PICALM: variants seen among roughly 807,000 people sequenced by gnomAD.
PICALM encodes the protein phosphatidylinositol-binding clathrin assembly protein.
In PICALM, 40 loss-of-function variants were observed where a neutral mutation model predicts 80.5. That is an observed-to-expected ratio of 0.50 (90% CI 0.39 to 0.65). The LOEUF is 0.65. PICALM is among the 30% of genes least tolerant of loss of function. The pLI, the probability that PICALM is intolerant of heterozygous loss-of-function variation, is 0.00. For missense variants in PICALM, 676 were observed against 778.9 expected, an observed-to-expected ratio of 0.87 and a Z score of 1.57; for synonymous variants, 288 against 260.3, an observed-to-expected ratio of 1.11 and a Z score of -1.02.
At chr11:86,031,961 G>T (rs2095758626) in intron 1 of PICALM, among the ~76,000 whole-genome samples, 1 of 151,930 alleles carries the variant, frequency 6.6e-6, no homozygotes, top group Non-Finnish European at 1.5e-5. Flanking sequence ...TAAAATACTG[G>T]TATTATTCAT....
chr11:86,000,399 A>G lies in PICALM; in HGVS notation c.1154+244T>C, dbSNP rs542033018. On this transcript the variant is annotated intron_variant, in intron 11 of 19. Coordinates refer to ENST00000393346, the MANE Select transcript of PICALM (RefSeq NM_007166.4). ...TACACAATGAAAAGTTGGCCCAGAG[A>G]TAACAGCTATATTCCTATTAGTATA... Among the ~76,000 whole-genome samples, 24 of 152,352 alleles carry G rather than the reference A, an allele frequency of 1.6e-4. 2 individuals carry two copies. The highest frequency in any genetic ancestry group is 1.2e-3 in the Admixed American group (18 of 15,312).
intron 19 of PICALM, among the ~76,000 whole-genome samples, chr11:85,964,075 C>T (rs1025961386): frequency 1.3e-5 from 2 of 151,928 alleles, no homozygotes; most frequent in Non-Finnish European, 2.9e-5. Context: ...ATGGTTACTC[C>T]TTCATTATAC....
At chr11:85,960,839 A>G in intron 19 of PICALM, 1 of 710,598 alleles carries the variant, frequency 1.4e-6, no homozygotes, top group Non-Finnish European at 2.0e-6. Context: ...CAGAACATGA[A>G]AGCAGAAAAT....
chr11:86,019,548 T>C (rs772242334), intron 4 of PICALM, among the ~76,000 whole-genome samples: 1 of 152,206 alleles, frequency 6.6e-6, no homozygotes, highest in Non-Finnish European at 1.5e-5. Flanking sequence ...GTAAATACAC[T>C]GAAGATCAAC....
chr11:85,991,477 A>G (rs1466134759), intron 12 of PICALM, among the ~76,000 whole-genome samples: 1 of 152,158 alleles, frequency 6.6e-6, no homozygotes, highest in Non-Finnish European at 1.5e-5. Context: ...ATATAGGCAC[A>G]CTTCCTTTAA....
At chr11:86,011,198 A>G (rs927011811) in intron 6 of PICALM, 62 bp from the exon 7 acceptor site, 16 of 702,416 alleles carry the variant, frequency 2.3e-5, no homozygotes, top group Admixed American at 5.9e-5. Flanking sequence ...AAAAAAGGAA[A>G]AAAAAAGTAG....
rs1268742852 is a variant in PICALM, at chr11:85,964,844, A to G, written c.1945-5784T>C. On this transcript the variant is annotated intron_variant, in intron 19 of 19. Coordinates refer to ENST00000393346, the MANE Select transcript of PICALM (RefSeq NM_007166.4). ...ACATTGTAAGAATTCTAAAGTGTGC[A>G]AAATTAAAATGCCTTTTGGTGATAA... Among the ~76,000 whole-genome samples, 3 of 152,242 alleles carry G rather than the reference A, an allele frequency of 2.0e-5. No individual in the cohort carries two copies. The South Asian group carries it at 6.2e-4, about 32-fold the overall frequency.
chr11:85,958,403 T>C lies in PICALM; in HGVS notation c.*643A>G, dbSNP rs942370408. On this transcript the variant is annotated 3_prime_UTR_variant, in exon 20 of 20. Transcript: ENST00000393346. ...AAGCATTCTGAATCAGATTCATTCT[T>C]GTGGATAAAAATCAAACATACTGTG... 1 of 213,918 alleles carries C rather than the reference T, an allele frequency of 4.7e-6. No homozygotes were observed. Among genetic ancestry groups the C allele is most frequent in the Non-Finnish European group, 9.5e-6 (1 of 105,692 alleles). 13.3% of individuals were successfully genotyped at this position (213,918 alleles called of 1,614,324 possible).
chr11:86,000,191 C>G (rs946957269), intron 11 of PICALM, among the ~76,000 whole-genome samples: 1 of 152,156 alleles, frequency 6.6e-6, no homozygotes, highest in African/African-American at 2.4e-5. Flanking sequence ...TACCAAGAAA[C>G]CTGGCAACTA....
In PICALM at chr11:86,014,978, C is replaced by A. The variant is rs189811262; in HGVS notation, c.453-15G>T. On this transcript the variant is annotated splice_polypyrimidine_tract_variant and intron_variant, in intron 4 of 19. Coordinates refer to ENST00000393346, the MANE Select transcript of PICALM (RefSeq NM_007166.4). The stretch of plus-strand genomic sequence containing the variant: ...CTCCATCAGCCCTGTTATGAAAAAA[C>A]CAGAGAAATAAACAAATGAATCTGC... The A allele has an allele frequency of 1.0e-3, 1,514 of 1,480,676 alleles. 23 individuals are homozygous for A. The Admixed American group carries it at 0.015, about 15-fold the overall frequency. 91.7% of individuals were successfully genotyped at this position (1,480,676 alleles called of 1,614,324 possible). A position where few individuals can be genotyped will look rare whatever the true frequency, so the allele number is the denominator to read the frequency against.
intron 3 of PICALM, chr11:86,023,633 A>T (rs2095602572): frequency 1.3e-5 from 12 of 907,958 alleles, no homozygotes; most frequent in Non-Finnish European, 1.6e-5. Flanking sequence ...CTAATAAGAC[A>T]CAAAAAACCT....
At chr11:85,975,795 C>T (rs761191876) in intron 18 of PICALM, among the ~76,000 whole-genome samples, 18 of 151,930 alleles carry the variant, frequency 1.2e-4, no homozygotes, top group Non-Finnish European at 2.4e-4. Context: ...CGGAGTTTCA[C>T]CATATTGGTC....
At chr11:86,030,658 A>G (rs1351519673) in intron 2 of PICALM, among the ~76,000 whole-genome samples, 2 of 152,240 alleles carry the variant, frequency 1.3e-5, no homozygotes, top group Admixed American at 6.5e-5. Flanking sequence ...AAAAGCGTAT[A>G]TATCTTATTT....
chr11:86,036,416 T>A (rs536745695), intron 1 of PICALM, among the ~76,000 whole-genome samples: 4 of 152,232 alleles, frequency 2.6e-5, no homozygotes, highest in South Asian at 2.1e-4. Context: ...TATTTTTATA[T>A]AACTTCCAGT....
intron 1 of PICALM, among the ~76,000 whole-genome samples, chr11:86,048,747 G>A (rs563682676): frequency 6.7e-5 from 10 of 149,314 alleles, no homozygotes; most frequent in African/African-American, 1.7e-4. Context: ...CAGGAGAATC[G>A]CTTGAACCTG....
intron 17 of PICALM, chr11:85,977,985 T>C (rs1270612957): frequency 3.4e-5 from 33 of 978,368 alleles, no homozygotes; most frequent in Non-Finnish European, 5.2e-5. Flanking sequence ...AAACAAGTAA[T>C]AGCTGAAAGG....
intron 19 of PICALM, among the ~76,000 whole-genome samples, chr11:85,963,061 T>G (rs564845885): frequency 8.2e-4 from 125 of 152,230 alleles, no homozygotes; most frequent in Non-Finnish European, 1.3e-3. Flanking sequence ...TAGGAGAATT[T>G]TAAAACTATA....
chr11:85,993,064 T>C (rs1207255533), intron 12 of PICALM, among the ~76,000 whole-genome samples: 2 of 151,632 alleles, frequency 1.3e-5, no homozygotes, highest in Non-Finnish European at 2.9e-5. Context: ...CCTATTAAAC[T>C]GGCAATTCGA....
At chr11:86,000,303 T>C (rs1409635798) in intron 11 of PICALM, among the ~76,000 whole-genome samples, 2 of 152,222 alleles carry the variant, frequency 1.3e-5, no homozygotes, top group Non-Finnish European at 2.9e-5. Flanking sequence ...ATATATCATA[T>C]CCATATGTCA....
Sources: gnomAD v4.1 joint callset for allele counts (sites outside exome capture counted in the v4.1 genomes callset) on GRCh38, gnomAD v4.1.1 for gene constraint, MANE v1.5 for transcripts, NCBI Gene and HGNC (gene_info 2026-07-23, HGNC 2026-07-21) for gene names.